Variants in MICAL3 observed in about 807,000 individuals in gnomAD.
The protein encoded by MICAL3 is microtubule associated monooxygenase, calponin and LIM domain containing 3.
In MICAL3, 62 loss-of-function variants were observed where a neutral mutation model predicts 207.4. The observed-to-expected ratio is 0.30, with a 90% confidence interval of 0.24 to 0.37. The LOEUF is 0.37. MICAL3 is among the 10% of genes least tolerant of loss of function. The pLI, the probability that MICAL3 is intolerant of heterozygous loss-of-function variation, is 1.00. For synonymous variants in MICAL3, 1,077 were observed against 1,069.3 expected, an observed-to-expected ratio of 1.01 and a Z score of -0.14; for missense variants, 2,368 against 2,635.6, an observed-to-expected ratio of 0.90 and a Z score of 2.22.
intron 1 of MICAL3, chr22:18,019,767 T>A: frequency 4.6e-6 from 1 of 217,834 alleles, no homozygotes; most frequent in Non-Finnish European, 9.6e-6. Flanking sequence ...AATGCGGCTT[T>A]TTTGGAATTT....
intron 19 of MICAL3, among the ~76,000 whole-genome samples, chr22:17,851,316 C>T (rs1379676823): frequency 6.6e-6 from 1 of 152,132 alleles, no homozygotes; most frequent in Non-Finnish European, 1.5e-5. Flanking sequence ...CTACTTCTGC[C>T]GTCGTTACCC....
rs1330441855 is a variant in MICAL3 at position 17,790,035 on chromosome 22, TG to T, written c.*696del. Reference sequence around the variant, plus strand: ...AAGTCAGCATTTTCCAGTGTCAAAATGGTTGTGAACTACAAGCAAAATGCAG... The same window carrying T: ...AAGTCAGCATTTTCCAGTGTCAAAATGTTGTGAACTACAAGCAAAATGCAG... On this transcript the variant is annotated 3_prime_UTR_variant, in exon 32 of 32. Transcript: ENST00000441493. 1 of 152,160 alleles carries T rather than the reference TG, an allele frequency of 6.6e-6. No homozygotes were observed. The highest frequency in any genetic ancestry group is 1.9e-4 in the East Asian group (1 of 5,180). 9.4% of individuals were successfully genotyped at this position (152,160 alleles called of 1,614,324 possible).
intron 1 of MICAL3, among the ~76,000 whole-genome samples, chr22:17,978,861 T>A (rs1007332582): frequency 1.4e-5 from 2 of 144,294 alleles, no homozygotes; most frequent in South Asian, 2.2e-4. Context: ...GTGAATTATA[T>A]AATAAAGCTG....
At chr22:17,936,696 T>C (rs757654325) in intron 1 of MICAL3, among the ~76,000 whole-genome samples, 1 of 152,184 alleles carries the variant, frequency 6.6e-6, no homozygotes, top group Non-Finnish European at 1.5e-5. Flanking sequence ...TATCTGTGGA[T>C]TATTTTGCAT....
At chr22:17,865,478 C>T (rs569081112) in intron 18 of MICAL3, among the ~76,000 whole-genome samples, 126 of 152,332 alleles carry the variant, frequency 8.3e-4, no homozygotes, top group African/African-American at 2.7e-3. Context: ...TGAAAGGCCC[C>T]GCAGGCAGGG....
Position 17,887,165 on chromosome 22 carries a change from C to T in MICAL3, c.2067+5G>A. The T allele has an allele frequency of 6.2e-7, 1 of 1,612,800 alleles. No homozygotes were observed. Among genetic ancestry groups the T allele is most frequent in the Non-Finnish European group, 8.5e-7 (1 of 1,179,026 alleles). On this transcript the variant is annotated splice_donor_5th_base_variant and intron_variant, in intron 15 of 31. Transcript: ENST00000441493. Reference sequence around the variant, plus strand: ...CATTCTAGCAATTCCCCAAGTGAATCTCACCTCCTCTGATTGACTGGTCTT... The same window carrying T: ...CATTCTAGCAATTCCCCAAGTGAATTTCACCTCCTCTGATTGACTGGTCTT...
At chr22:17,875,287 A>G (rs1928173851) in intron 16 of MICAL3, 1 of 449,798 alleles carries the variant, frequency 2.2e-6, no homozygotes, top group Non-Finnish European at 3.9e-6. Context: ...CTCACACACG[A>G]GACCGACACA....
At chr22:17,970,103 C>T (rs1379007621) in intron 1 of MICAL3, among the ~76,000 whole-genome samples, 1 of 152,182 alleles carries the variant, frequency 6.6e-6, no homozygotes, top group Non-Finnish European at 1.5e-5. Context: ...AGGCTCTGTG[C>T]CACTGTCCCC....
intron 1 of MICAL3, among the ~76,000 whole-genome samples, chr22:17,986,551 A>G (rs1463436771): frequency 6.6e-6 from 1 of 152,102 alleles, no homozygotes; most frequent in African/African-American, 2.4e-5. Context: ...ATGACCGAAC[A>G]GTACAGGGTC....
chr22:17,815,955 T>C (rs1477792241), intron 27 of MICAL3, among the ~76,000 whole-genome samples: 1 of 152,178 alleles, frequency 6.6e-6, no homozygotes, highest in African/African-American at 2.4e-5. Flanking sequence ...CGGGAAGCTT[T>C]TGACGCAAAA....
At chr22:17,823,775 T>A (rs1015008962) in intron 22 of MICAL3, among the ~76,000 whole-genome samples, 1 of 152,096 alleles carries the variant, frequency 6.6e-6, no homozygotes, top group African/African-American at 2.4e-5. Context: ...AAATTCGAAA[T>A]CCAAAACACT....
intron 22 of MICAL3, among the ~76,000 whole-genome samples, chr22:17,824,077 T>TA (rs1921912233): frequency 1.4e-5 from 2 of 146,948 alleles, no homozygotes; most frequent in Admixed American, 6.6e-5. Flanking sequence ...AGCCGGCCCC[T>TA]AAGCACGCAC....
In MICAL3 at chr22:17,889,245, A is replaced by G; in HGVS notation, c.1695-15T>C. ...AATCAAAATCTCTGAGAAACAGGAC[A>G]AGGAAAACATATCAAGATAGGTTGA... On this transcript the variant is annotated splice_polypyrimidine_tract_variant and intron_variant, in intron 12 of 31. Coordinates refer to ENST00000441493, the MANE Select transcript of MICAL3 (RefSeq NM_015241.3). 1 of 1,593,178 alleles carries G rather than the reference A, an allele frequency of 6.3e-7. No homozygotes were observed. Among genetic ancestry groups the G allele is most frequent in the East Asian group, 2.2e-5 (1 of 44,618 alleles).
At chr22:17,976,659 G>A (rs917274418) in intron 1 of MICAL3, among the ~76,000 whole-genome samples, 13 of 139,140 alleles carry the variant, frequency 9.3e-5, no homozygotes, top group Non-Finnish European at 1.7e-4. Flanking sequence ...GCGCGATCTC[G>A]GCTCACTACA....
chr22:17,937,256 GT>G (rs1452094059), intron 1 of MICAL3, among the ~76,000 whole-genome samples: 1 of 152,146 alleles, frequency 6.6e-6, no homozygotes, highest in African/African-American at 2.4e-5. Context: ...CTCCCTAACT[GT>G]TCTACCACAG....
At chr22:17,906,514 C>T (rs1285306327) in intron 2 of MICAL3, 35 bp downstream of exon 2, 19 of 1,612,756 alleles carry the variant, frequency 1.2e-5, no homozygotes, top group Non-Finnish European at 1.6e-5. Flanking sequence ...GGCATCTCGT[C>T]AGTGACCCCA....
intron 29 of MICAL3, 89 bp from the exon 30 acceptor site, chr22:17,791,390 C>A (rs2061823258): frequency 8.7e-7 from 1 of 1,149,788 alleles, no homozygotes; most frequent in Non-Finnish European, 1.3e-6. Flanking sequence ...GCAAAGAGGG[C>A]CGAGCAAGAT....
chr22:17,878,456 C>T (rs537423423), intron 16 of MICAL3, among the ~76,000 whole-genome samples: 1 of 150,862 alleles, frequency 6.6e-6, no homozygotes, highest in Non-Finnish European at 1.5e-5. Flanking sequence ...ACACATTGCC[C>T]GCTGCTAGCC....
At chr22:17,911,988 C>T (rs57169660) in intron 1 of MICAL3, among the ~76,000 whole-genome samples, 4,447 of 152,188 alleles carry the variant, frequency 0.029, 194 homozygotes, top group African/African-American at 0.095. Flanking sequence ...CTGTCCTTTC[C>T]GTACTGAGTA....
Sources: gnomAD v4.1 joint callset for allele counts (sites outside exome capture counted in the v4.1 genomes callset) on GRCh38, gnomAD v4.1.1 for gene constraint, MANE v1.5 for transcripts, NCBI Gene and HGNC (gene_info 2026-07-23, HGNC 2026-07-21) for gene names.